Variants in ROR1 observed in about 807,000 individuals in gnomAD.
ROR1 encodes ROR family WNT receptor 1.
In ROR1, 19 loss-of-function variants were observed where a neutral mutation model predicts 78.8. The ratio of observed to expected loss-of-function variants is 0.24; its 90% CI spans 0.17 to 0.35. ROR1 has a LOEUF of 0.35. Ranked by LOEUF, ROR1 falls within the 10% of genes least tolerant of loss-of-function variation. ROR1 has a pLI of 1.00. For synonymous variants in ROR1, 386 were observed against 433.6 expected (o/e 0.89, Z 1.36); for missense variants, 917 against 1,177.8 (o/e 0.78, Z 3.24).
At chr1:63,855,552 C>G (rs913322338) in intron 1 of ROR1, among the ~76,000 whole-genome samples, 1 of 151,514 alleles carries the variant, frequency 6.6e-6, no homozygotes, top group Non-Finnish European at 1.5e-5. Flanking sequence ...TTTGAGTTTA[C>G]TAATATTTAT....
intron 1 of ROR1, among the ~76,000 whole-genome samples, chr1:63,829,776 C>T (rs968996243): frequency 4.6e-5 from 7 of 152,100 alleles, no homozygotes; most frequent in Non-Finnish European, 5.9e-5. Flanking sequence ...ATCCTAAGGA[C>T]AGTGTGGAGC....
chr1:63,785,502 TTTATTTA>T, intron 1 of ROR1, among the ~76,000 whole-genome samples: 1 of 68,396 alleles, frequency 1.5e-5, no homozygotes, highest in Non-Finnish European at 2.4e-5. Context: ...ATATATTTTA[TTTATTTA>T]TTTATTTATT....
At chr1:63,805,694 G>A (rs1644824268) in intron 1 of ROR1, among the ~76,000 whole-genome samples, 1 of 152,120 alleles carries the variant, frequency 6.6e-6, no homozygotes, top group Non-Finnish European at 1.5e-5. Flanking sequence ...TTATCCACTT[G>A]GGATCCGAGC....
chr1:64,127,481 C>CCTCTCTCTGTCTCTCT (rs1205837729), intron 4 of ROR1, among the ~76,000 whole-genome samples: 10 of 151,134 alleles, frequency 6.6e-5, no homozygotes, highest in South Asian at 4.2e-4. Flanking sequence ...TTCTCTGTCT[C>CCTCTCTCTGTCTCTCT]CTCTCTCTGT....
At chr1:63,859,886 C>T (rs1434616418) in intron 1 of ROR1, among the ~76,000 whole-genome samples, 1 of 152,198 alleles carries the variant, frequency 6.6e-6, no homozygotes, top group East Asian at 1.9e-4. Flanking sequence ...TTAATTAGGC[C>T]CTGGGCTAAG....
intron 4 of ROR1, among the ~76,000 whole-genome samples, chr1:64,064,076 A>G (rs1311841376): frequency 1.3e-5 from 2 of 152,246 alleles, no homozygotes; most frequent in Non-Finnish European, 2.9e-5. Flanking sequence ...AAGCAGAACA[A>G]ATTCTGGACT....
At chr1:64,143,015 G>A (rs943214531) in intron 7 of ROR1, 5 of 1,095,730 alleles carry the variant, frequency 4.6e-6, no homozygotes, top group Non-Finnish European at 4.5e-6. Flanking sequence ...AATATTGGAA[G>A]CAGGAAGAAA....
At chr1:63,995,584 A>T (rs1349168262) in intron 1 of ROR1, among the ~76,000 whole-genome samples, 3 of 152,172 alleles carry the variant, frequency 2.0e-5, no homozygotes, top group Admixed American at 2.0e-4. Flanking sequence ...TGGAATGATT[A>T]TGGGCTTTGC....
intron 1 of ROR1, among the ~76,000 whole-genome samples, chr1:63,821,591 A>G (rs949657295): frequency 6.6e-6 from 1 of 152,202 alleles, no homozygotes; most frequent in Non-Finnish European, 1.5e-5. Context: ...CTGTCTTCTG[A>G]AATTGAGTGC....
At chr1:64,143,472 A>T (rs1649388788) in intron 7 of ROR1, 1 of 929,602 alleles carries the variant, frequency 1.1e-6, no homozygotes, top group Non-Finnish European at 1.3e-6. Flanking sequence ...GATAATGCCA[A>T]GTTTCCCAGG....
intron 2 of ROR1, among the ~76,000 whole-genome samples, chr1:64,037,457 A>C (rs1416545445): frequency 6.6e-6 from 1 of 152,098 alleles, no homozygotes; most frequent in Non-Finnish European, 1.5e-5. Context: ...CTAACTATGG[A>C]CTTTAGTGGC....
At chr1:63,906,186 T>C (rs1026808468) in intron 1 of ROR1, among the ~76,000 whole-genome samples, 1 of 152,182 alleles carries the variant, frequency 6.6e-6, no homozygotes, top group Non-Finnish European at 1.5e-5. Flanking sequence ...TCCACCTCTG[T>C]GAACGTTTCA....
At chr1:64,079,123 T>C (rs1447606637) in intron 4 of ROR1, among the ~76,000 whole-genome samples, 2 of 152,182 alleles carry the variant, frequency 1.3e-5, no homozygotes, top group African/African-American at 4.8e-5. Context: ...CCATGCAGCT[T>C]CAGGAGACAG....
At chr1:64,116,653 G>A (rs1648325199) in intron 4 of ROR1, among the ~76,000 whole-genome samples, 1 of 152,010 alleles carries the variant, frequency 6.6e-6, no homozygotes, top group South Asian at 2.1e-4. Context: ...TGAAGAGCTG[G>A]GTATATTGAA....
intron 1 of ROR1, among the ~76,000 whole-genome samples, chr1:63,908,963 C>T (rs533269340): frequency 1.3e-5 from 2 of 152,174 alleles, no homozygotes; most frequent in African/African-American, 2.4e-5. Context: ...GGAGTTAAGG[C>T]CCACAGGTGA....
intron 1 of ROR1, among the ~76,000 whole-genome samples, chr1:63,779,191 G>C (rs944124218): frequency 6.6e-6 from 1 of 152,150 alleles, no homozygotes; most frequent in Non-Finnish European, 1.5e-5. Context: ...AAGTGTGCTC[G>C]CCAGTTTTTT....
chr1:64,022,029 T>C (rs1203774287), intron 2 of ROR1, among the ~76,000 whole-genome samples: 6 of 151,310 alleles, frequency 4.0e-5, no homozygotes, highest in Non-Finnish European at 8.8e-5. Context: ...AAACAAAGAG[T>C]GGTACAGACA....
intron 4 of ROR1, among the ~76,000 whole-genome samples, chr1:64,119,638 CAAAAA>C (rs11338825): frequency 1.3e-5 from 1 of 75,488 alleles, no homozygotes; most frequent in Admixed American, 1.5e-4. Flanking sequence ...GGCTCCGTCT[CAAAAA>C]AAAAAAAAAA....
At chr1:63,909,746 G>A (rs1287736013) in intron 1 of ROR1, among the ~76,000 whole-genome samples, 1 of 151,962 alleles carries the variant, frequency 6.6e-6, no homozygotes, top group African/African-American at 2.4e-5. Flanking sequence ...GTGAGTAACT[G>A]CTACATGAGA....
Sources: allele counts gnomAD v4.1 joint callset (sites outside exome capture counted in the v4.1 genomes callset), GRCh38; gene constraint gnomAD v4.1.1; transcripts MANE v1.5; gene names NCBI Gene and HGNC (gene_info 2026-07-23, HGNC 2026-07-21).